IRAK1BP1: variants seen among roughly 807,000 people sequenced by gnomAD.
The protein encoded by IRAK1BP1 is interleukin 1 receptor associated kinase 1 binding protein 1.
In IRAK1BP1, 24 loss-of-function variants were observed where a neutral mutation model predicts 28.0. That is an observed-to-expected ratio of 0.86 (90% CI 0.62 to 1.20). The LOEUF (loss-of-function observed/expected upper bound fraction) is 1.20, where lower values mean the gene tolerates loss of function less well. Among genes scored for constraint, IRAK1BP1 ranks in the 50% most tolerant of loss-of-function variants. IRAK1BP1 has a pLI of 0.00. For missense variants in IRAK1BP1, 336 were observed against 316.7 expected, an observed-to-expected ratio of 1.06 and a Z score of -0.46; for synonymous variants, 131 against 116.3, an observed-to-expected ratio of 1.13 and a Z score of -0.81.
chr6:78,977,574 G>A, the IRAK1BP1 span, among the ~76,000 whole-genome samples: 4 of 139,644 alleles, frequency 2.9e-5, no homozygotes, highest in African/African-American at 1.0e-4. Flanking sequence ...ATGGAATAGT[G>A]CTGAATAATG....
the IRAK1BP1 span, chr6:78,963,079 G>A: frequency 8.7e-5 from 136 of 1,558,560 alleles, 5 homozygotes; most frequent in South Asian, 1.1e-3. Flanking sequence ...TTCTATACTC[G>A]CGTGTTGCTT....
chr6:78,879,394 A>G (rs1027638022), intron 1 of IRAK1BP1, among the ~76,000 whole-genome samples: 3 of 152,206 alleles, frequency 2.0e-5, no homozygotes, highest in Non-Finnish European at 4.4e-5. Flanking sequence ...GCTAAAGTAA[A>G]TAAGTATTTT....
the IRAK1BP1 span, among the ~76,000 whole-genome samples, chr6:78,975,470 G>A: frequency 1.3e-5 from 2 of 152,166 alleles, no homozygotes; most frequent in South Asian, 4.1e-4. Context: ...GCACAAGACA[G>A]GGATGCTCTC....
At chr6:78,908,601 A>T (rs757849410) in intron 4 of IRAK1BP1, among the ~76,000 whole-genome samples, 2 of 152,194 alleles carry the variant, frequency 1.3e-5, no homozygotes, top group Non-Finnish European at 2.9e-5. Context: ...ATGGCCTCCC[A>T]AAGTGCTAGG....
At chr6:78,897,094 A>T (rs763039498) in intron 2 of IRAK1BP1, among the ~76,000 whole-genome samples, 8 of 151,236 alleles carry the variant, frequency 5.3e-5, no homozygotes, top group Non-Finnish European at 8.8e-5. Flanking sequence ...TACAAAAAAA[A>T]TTTTTTTAAT....
intron 4 of IRAK1BP1, among the ~76,000 whole-genome samples, chr6:78,917,744 G>A (rs1038120867): frequency 6.6e-6 from 1 of 151,404 alleles, no homozygotes; most frequent in African/African-American, 2.4e-5. Context: ...AAAGCTAACA[G>A]CAGGAGATAT....
rs929953977 is a variant in IRAK1BP1 at position 78,874,735 on chromosome 6, T to G, written c.315+6844T>G. ...AAATTAATTTCAGGATAATGGCTGA[T>G]TTTACAGTGTTGTGTCCCAGTCCAT... On this transcript the variant is annotated intron_variant, in intron 1 of 3. Coordinates refer to ENST00000369940, the MANE Select transcript of IRAK1BP1 (RefSeq NM_001010844.4). 2.0e-5 allele frequency among the ~76,000 whole-genome samples: 3 copies of G among 152,322 alleles called. No individual in the cohort carries two copies. The East Asian group carries it at 5.8e-4, about 29-fold the overall frequency.
chr6:78,949,717 T>A (rs902690606), downstream of IRAK1BP1, among the ~76,000 whole-genome samples: 2 of 151,546 alleles, frequency 1.3e-5, no homozygotes, highest in Middle Eastern at 3.2e-3. Context: ...TGAGATAGGG[T>A]CTCACTCTAT....
At chr6:78,880,855 T>G (rs1480200916) in intron 1 of IRAK1BP1, among the ~76,000 whole-genome samples, 1 of 152,162 alleles carries the variant, frequency 6.6e-6, no homozygotes, top group Non-Finnish European at 1.5e-5. Flanking sequence ...TAGAATGGCT[T>G]AAATACAGTA....
At chr6:78,936,074 T>C (rs1773262120) in intron 4 of IRAK1BP1, 1 of 151,930 alleles carries the variant, frequency 6.6e-6, no homozygotes, top group Non-Finnish European at 1.5e-5. Flanking sequence ...TATTCTGGTG[T>C]GAAACTGCTG....
intron 4 of IRAK1BP1, among the ~76,000 whole-genome samples, chr6:78,930,575 G>T (rs1773016071): frequency 1.3e-5 from 2 of 151,938 alleles, no homozygotes; most frequent in African/African-American, 4.8e-5. Context: ...TAAAATTTTT[G>T]ATTAATATAG....
downstream of IRAK1BP1, among the ~76,000 whole-genome samples, chr6:78,951,413 T>TA (rs1582092754): frequency 2.0e-5 from 3 of 152,160 alleles, no homozygotes; most frequent in Admixed American, 2.0e-4. Flanking sequence ...AATATTTGAT[T>TA]AAACTCAAAA....
the IRAK1BP1 span, among the ~76,000 whole-genome samples, chr6:78,965,449 GTAAT>G: frequency 4.5e-4 from 69 of 152,288 alleles, no homozygotes; most frequent in African/African-American, 1.5e-3. Flanking sequence ...TGGGTGAATA[GTAAT>G]TAATAAAACA....
intron 1 of IRAK1BP1, among the ~76,000 whole-genome samples, chr6:78,875,105 C>T (rs1770948780): frequency 6.6e-6 from 1 of 152,162 alleles, no homozygotes; most frequent in South Asian, 2.1e-4. Flanking sequence ...AGAAACCATA[C>T]AAGCAGCCAG....
Position 78,925,491 on chromosome 6 carries a change from A to G in IRAK1BP1, c.*68-19917A>G, listed in dbSNP as rs111853099. ...CAAATCAAAACCGCAATGAAATACT[A>G]TCTCACACCAGTGGAACAGTTCCTG... On this transcript the variant is annotated intron_variant and NMD_transcript_variant, in intron 4 of 4. Coordinates refer to the IRAK1BP1 transcript ENST00000606868. Among the ~76,000 whole-genome samples, 88 of 152,316 alleles carry G rather than the reference A, an allele frequency of 5.8e-4. 2 individuals carry two copies. Among genetic ancestry groups the G allele is most frequent in the African/African-American group, 2.1e-3 (86 of 41,578 alleles).
chr6:78,977,727 G>A, the IRAK1BP1 span, among the ~76,000 whole-genome samples: 28 of 152,274 alleles, frequency 1.8e-4, no homozygotes, highest in South Asian at 4.1e-4. Context: ...AGGATGTTAA[G>A]ATCTATCACT....
intron 2 of IRAK1BP1, among the ~76,000 whole-genome samples, chr6:78,892,438 A>C (rs1254278181): frequency 1.3e-5 from 2 of 152,168 alleles, no homozygotes; most frequent in Non-Finnish European, 1.5e-5. Flanking sequence ...TGTCTTTCTC[A>C]TGTGCTACCT....
intron 4 of IRAK1BP1, among the ~76,000 whole-genome samples, chr6:78,922,446 A>G (rs936270907): frequency 2.0e-5 from 3 of 152,220 alleles, no homozygotes; most frequent in Non-Finnish European, 2.9e-5. Context: ...TCTACATCTG[A>G]TTGGTGTACC....
At chr6:78,920,978 G>C (rs910324490) in intron 4 of IRAK1BP1, among the ~76,000 whole-genome samples, 2 of 152,178 alleles carry the variant, frequency 1.3e-5, no homozygotes, top group Non-Finnish European at 2.9e-5. Context: ...AACAGCTCCG[G>C]TCTACAGCTC....
Sources: allele counts gnomAD v4.1 joint callset (sites outside exome capture counted in the v4.1 genomes callset), GRCh38; gene constraint gnomAD v4.1.1; transcripts MANE v1.5; gene names NCBI Gene and HGNC (gene_info 2026-07-23, HGNC 2026-07-21).